LRP1B: variants seen among roughly 807,000 people sequenced by gnomAD.
LRP1B encodes the protein LDL receptor related protein 1B, also known as low-density lipoprotein receptor-related protein 1B.
LRP1B carries 217 observed loss-of-function variants against 556.6 expected under a neutral mutation model. The ratio of observed to expected loss-of-function variants is 0.39; its 90% CI spans 0.35 to 0.44. The LOEUF (loss-of-function observed/expected upper bound fraction) is 0.44, where lower values mean the gene tolerates loss of function less well. Among genes scored for constraint, LRP1B ranks in the 20% least tolerant of loss-of-function variants. The pLI is 1.00. For synonymous variants in LRP1B, 2,047 were observed against 1,865.8 expected (o/e 1.10, Z -2.50); for missense variants, 5,053 against 5,620.8 (o/e 0.90, Z 3.23).
Position 140,949,107 on chromosome 2 carries a change from C to T in LRP1B, c.3136+1128G>A, listed in dbSNP as rs78534057. 4.3e-4 allele frequency among the ~76,000 whole-genome samples: 65 copies of T among 152,250 alleles called. No homozygotes were observed. The East Asian group carries it at 0.012, about 29-fold the overall frequency. Reference sequence around the variant, plus strand: ...TTTGCTCATGGAGTATATGATTCCCCTACCCCTCCACACTAAATAAATTAC... The same window carrying T: ...TTTGCTCATGGAGTATATGATTCCCTTACCCCTCCACACTAAATAAATTAC... On this transcript the variant is annotated intron_variant, in intron 20 of 90. Transcript: ENST00000389484.
chr2:141,074,046 A>G (rs1437761393), intron 7 of LRP1B, among the ~76,000 whole-genome samples: 2 of 152,086 alleles, frequency 1.3e-5, no homozygotes, highest in African/African-American at 4.8e-5. Context: ...CAAATCTTAC[A>G]TTCCTAACAT....
At chr2:140,537,190 TA>T (rs1483815585) in intron 45 of LRP1B, among the ~76,000 whole-genome samples, 1 of 123,438 alleles carries the variant, frequency 8.1e-6, no homozygotes. Flanking sequence ...ATTATTATTA[TA>T]TATAAGAATA....
At chr2:140,967,529 A>C (rs1287620772) in intron 18 of LRP1B, among the ~76,000 whole-genome samples, 1 of 152,038 alleles carries the variant, frequency 6.6e-6, no homozygotes, top group African/African-American at 2.4e-5. Context: ...AATGCCCTTT[A>C]TTTCTTTCTC....
chr2:141,518,430 A>G (rs1684404875), intron 2 of LRP1B, among the ~76,000 whole-genome samples: 2 of 152,192 alleles, frequency 1.3e-5, no homozygotes, highest in Non-Finnish European at 2.9e-5. Context: ...AATATAGGCT[A>G]CTTTATTTCT....
chr2:140,783,142 A>G (rs934496498), intron 32 of LRP1B, among the ~76,000 whole-genome samples: 1 of 152,088 alleles, frequency 6.6e-6, no homozygotes, highest in Non-Finnish European at 1.5e-5. Flanking sequence ...TTAGAATTAT[A>G]ATTATTACAT....
At chr2:141,507,622 A>G (rs1157512510) in intron 2 of LRP1B, among the ~76,000 whole-genome samples, 1 of 152,188 alleles carries the variant, frequency 6.6e-6, no homozygotes, top group African/African-American at 2.4e-5. Flanking sequence ...ATCATGGCAT[A>G]CATTAAAGTG....
At chr2:140,758,663 G>C (rs958559102) in intron 35 of LRP1B, among the ~76,000 whole-genome samples, 1 of 151,680 alleles carries the variant, frequency 6.6e-6, no homozygotes, top group Non-Finnish European at 1.5e-5. Flanking sequence ...AAATAATTGA[G>C]TATGCAAATA....
At chr2:140,894,595 A>T (rs1693895224) in intron 23 of LRP1B, among the ~76,000 whole-genome samples, 1 of 152,200 alleles carries the variant, frequency 6.6e-6, no homozygotes, top group Non-Finnish European at 1.5e-5. Context: ...GAAAGGGTAC[A>T]TTTAGCCAAC....
chr2:141,867,788 A>C (rs1698460512), intron 1 of LRP1B, among the ~76,000 whole-genome samples: 1 of 152,130 alleles, frequency 6.6e-6, no homozygotes, highest in East Asian at 1.9e-4. Flanking sequence ...TATTGCCTCT[A>C]TTTGTATTCC....
intron 66 of LRP1B, among the ~76,000 whole-genome samples, chr2:140,441,799 G>C (rs972240028): frequency 5.9e-5 from 9 of 152,076 alleles, no homozygotes; most frequent in African/African-American, 1.7e-4. Flanking sequence ...TTTGTCTACA[G>C]AACAGGCTCA....
chr2:141,514,522 C>G (rs1684243874), intron 2 of LRP1B, among the ~76,000 whole-genome samples: 1 of 152,132 alleles, frequency 6.6e-6, no homozygotes, highest in African/African-American at 2.4e-5. Context: ...TATCAGGGTT[C>G]TCCTAGAGAG....
chr2:140,690,178 G>A (rs974179898), intron 41 of LRP1B, among the ~76,000 whole-genome samples: 1 of 151,260 alleles, frequency 6.6e-6, no homozygotes, highest in African/African-American at 2.4e-5. Context: ...GCACCGAGAA[G>A]AATCCACACA....
At chr2:141,313,866 CT>C (rs5834819) in intron 3 of LRP1B, among the ~76,000 whole-genome samples, 6,204 of 145,864 alleles carry the variant, frequency 0.043, 159 homozygotes, top group Non-Finnish European at 0.06. Flanking sequence ...AGATTTCACT[CT>C]TTTTTTTTTT....
At chr2:141,293,391 T>A (rs1477401514) in intron 3 of LRP1B, among the ~76,000 whole-genome samples, 1 of 152,194 alleles carries the variant, frequency 6.6e-6, no homozygotes, top group Non-Finnish European at 1.5e-5. Flanking sequence ...ATTTGCCCTC[T>A]CTCAGAGTCT....
intron 2 of LRP1B, among the ~76,000 whole-genome samples, chr2:141,507,568 CAGGAGA>C (rs1683976439): frequency 6.6e-6 from 1 of 152,004 alleles, no homozygotes; most frequent in African/African-American, 2.4e-5. Context: ...GAATTCTCTT[CAGGAGA>C]GTACATATTT....
At chr2:141,506,284 T>C (rs1272651056) in intron 2 of LRP1B, among the ~76,000 whole-genome samples, 8 of 152,156 alleles carry the variant, frequency 5.3e-5, no homozygotes, top group African/African-American at 1.4e-4. Flanking sequence ...AGTCTGTTTG[T>C]AATTTGAAGT....
intron 52 of LRP1B, 35 bp from the exon 53 acceptor site, chr2:140,506,953 A>G: frequency 6.2e-7 from 1 of 1,605,988 alleles, no homozygotes; most frequent in Non-Finnish European, 8.5e-7. Context: ...AAGTTAGATG[A>G]GCACATATGT....
At chr2:141,486,026 C>A (rs926221597) in intron 2 of LRP1B, among the ~76,000 whole-genome samples, 1 of 152,078 alleles carries the variant, frequency 6.6e-6, no homozygotes, top group African/African-American at 2.4e-5. Context: ...TACCAAGACA[C>A]TAAACATTTT....
At chr2:140,969,862 G>A (rs1696357342) in intron 18 of LRP1B, among the ~76,000 whole-genome samples, 1 of 152,180 alleles carries the variant, frequency 6.6e-6, no homozygotes, top group Non-Finnish European at 1.5e-5. Flanking sequence ...ACTCTCTTCT[G>A]GCTTGTAGAG....
Sources: gnomAD v4.1 joint callset for allele counts (sites outside exome capture counted in the v4.1 genomes callset) on GRCh38, gnomAD v4.1.1 for gene constraint, MANE v1.5 for transcripts, NCBI Gene and HGNC (gene_info 2026-07-23, HGNC 2026-07-21) for gene names.